The following TNIK variants were observed in gnomAD, a reference collection of about 807,000 sequenced individuals.
TNIK encodes the protein TRAF2 and NCK interacting kinase, also known as TRAF2 and NCK-interacting protein kinase.
In TNIK, 49 loss-of-function variants were observed where a neutral mutation model predicts 191.3. The observed-to-expected ratio is 0.26, with a 90% CI of 0.20 to 0.32. The LOEUF (loss-of-function observed/expected upper bound fraction) is 0.32. TNIK is among the 10% of genes least tolerant of loss of function. TNIK has a pLI of 1.00. For missense variants in TNIK, 1,155 were observed against 1,702.3 expected (o/e 0.68, Z 5.66); for synonymous variants, 594 against 600.9 (o/e 0.99, Z 0.17).
chr3:171,118,192 C>T (rs1727067197), intron 18 of TNIK, among the ~76,000 whole-genome samples: 1 of 152,148 alleles, frequency 6.6e-6, no homozygotes, highest in Non-Finnish European at 1.5e-5. Flanking sequence ...TTCACAATTG[C>T]TTCAAAGAGA....
At chr3:171,161,914 T>G (rs1455841863) in intron 10 of TNIK, among the ~76,000 whole-genome samples, 1 of 151,880 alleles carries the variant, frequency 6.6e-6, no homozygotes, top group East Asian at 1.9e-4. Context: ...AGCGAGGCCC[T>G]GTCTCAAAAT....
intron 3 of TNIK, among the ~76,000 whole-genome samples, chr3:171,223,511 A>G (rs886476100): frequency 2.0e-5 from 3 of 152,140 alleles, no homozygotes; most frequent in African/African-American, 7.2e-5. Flanking sequence ...TGAAGACTGA[A>G]AACAATGTGG....
chr3:171,135,683 G>A (rs1729897255), intron 15 of TNIK, among the ~76,000 whole-genome samples: 1 of 152,180 alleles, frequency 6.6e-6, no homozygotes, highest in Non-Finnish European at 1.5e-5. Context: ...GGAAGCCAGG[G>A]ACCTTGGAAG....
intron 18 of TNIK, among the ~76,000 whole-genome samples, chr3:171,122,259 C>G (rs148123473): frequency 6.6e-6 from 1 of 152,128 alleles, no homozygotes; most frequent in South Asian, 2.1e-4. Context: ...ACAGAGCCCC[C>G]GGGGGCAGGG....
chr3:171,357,344 A>G (rs1036327753), intron 2 of TNIK, among the ~76,000 whole-genome samples: 5 of 150,192 alleles, frequency 3.3e-5, no homozygotes, highest in African/African-American at 9.8e-5. Flanking sequence ...TGGAGTGTGC[A>G]GTGGCATGAT....
intron 2 of TNIK, among the ~76,000 whole-genome samples, chr3:171,323,775 CCTGA>C (rs1340537052): frequency 1.3e-5 from 2 of 152,128 alleles, no homozygotes; most frequent in Non-Finnish European, 2.9e-5. Flanking sequence ...ACTGACACCA[CCTGA>C]CTGTCTCTGT....
intron 7 of TNIK, among the ~76,000 whole-genome samples, chr3:171,180,259 T>C (rs1227516812): frequency 6.6e-6 from 1 of 152,104 alleles, no homozygotes; most frequent in Admixed American, 6.5e-5. Context: ...GCTAGCTGAC[T>C]CCCTCACCTC....
intron 2 of TNIK, among the ~76,000 whole-genome samples, chr3:171,313,347 C>T (rs2108307856): frequency 6.6e-6 from 1 of 152,076 alleles, no homozygotes; most frequent in Admixed American, 6.6e-5. Context: ...GGATCCTCAA[C>T]TTCAACCTGT....
At chr3:171,459,882 G>A in intron 1 of TNIK, 125 bp downstream of exon 1, 1 of 1,210,286 alleles carries the variant, frequency 8.3e-7, no homozygotes, top group South Asian at 1.3e-5. Flanking sequence ...GGGAATCCAG[G>A]TTCCCTCCCC....
intron 15 of TNIK, among the ~76,000 whole-genome samples, chr3:171,133,554 A>C (rs1729599116): frequency 6.6e-6 from 1 of 152,234 alleles, no homozygotes; most frequent in African/African-American, 2.4e-5. Context: ...TGTGCGGATG[A>C]GGAAGCTGCA....
intron 30 of TNIK, among the ~76,000 whole-genome samples, chr3:171,067,290 T>C (rs1718565661): frequency 6.6e-6 from 1 of 151,882 alleles, no homozygotes; most frequent in Non-Finnish European, 1.5e-5. Flanking sequence ...AAAAAATATA[T>C]ATATAGGATT....
chr3:171,216,024 C>A (rs1259553383), intron 3 of TNIK, among the ~76,000 whole-genome samples: 22 of 152,164 alleles, frequency 1.4e-4, no homozygotes, highest in African/African-American at 5.3e-4. Flanking sequence ...TGCTCCCGCT[C>A]ATCTGCACTG....
intron 24 of TNIK, 40 bp downstream of exon 24, chr3:171,087,302 G>A (rs1442614123): frequency 1.2e-6 from 2 of 1,610,376 alleles, no homozygotes; most frequent in African/African-American, 2.7e-5. Flanking sequence ...CCCCAGGAAG[G>A]ACAGCAGAAC....
intron 4 of TNIK, among the ~76,000 whole-genome samples, chr3:171,206,943 A>T (rs1227533343): frequency 2.0e-5 from 3 of 152,202 alleles, no homozygotes; most frequent in Non-Finnish European, 1.5e-5. Context: ...GAATGAAATT[A>T]ATAGCTAGGT....
intron 4 of TNIK, among the ~76,000 whole-genome samples, chr3:171,207,580 G>T (rs960280929): frequency 6.6e-6 from 1 of 152,110 alleles, no homozygotes; most frequent in African/African-American, 2.4e-5. Flanking sequence ...CCTTGAGGTG[G>T]CAGTGATTGA....
chr3:171,110,945 G>C, intron 18 of TNIK, 68 bp from the exon 19 acceptor site: 1 of 1,439,074 alleles, frequency 6.9e-7, no homozygotes, highest in South Asian at 1.5e-5. Flanking sequence ...TCACATATCT[G>C]ATAAGGTTTA....
chr3:171,127,913 G>A (rs948650130), intron 16 of TNIK, among the ~76,000 whole-genome samples: 2 of 152,312 alleles, frequency 1.3e-5, no homozygotes, highest in African/African-American at 4.8e-5. Flanking sequence ...AGAAATTTAA[G>A]ACATTTGGCA....
At chr3:171,304,569 A>G (rs1406548130) in intron 2 of TNIK, among the ~76,000 whole-genome samples, 8 of 152,182 alleles carry the variant, frequency 5.3e-5, no homozygotes, top group Admixed American at 2.6e-4. Flanking sequence ...ACGTATGTTT[A>G]TTGCGGCACT....
At chr3:171,111,805 A>C (rs1432083689) in intron 18 of TNIK, among the ~76,000 whole-genome samples, 2 of 152,242 alleles carry the variant, frequency 1.3e-5, no homozygotes, top group African/African-American at 2.4e-5. Context: ...AAAATGTGAT[A>C]TATCTCTCTC....
Sources: allele counts gnomAD v4.1 joint callset (sites outside exome capture counted in the v4.1 genomes callset), GRCh38; gene constraint gnomAD v4.1.1; transcripts MANE v1.5; gene names NCBI Gene and HGNC (gene_info 2026-07-23, HGNC 2026-07-21).